SASH1: variants seen among roughly 807,000 people sequenced by gnomAD.
The protein encoded by SASH1 is SAM and SH3 domain-containing protein 1.
A neutral mutation model predicts 125.2 loss-of-function variants in SASH1; 44 were observed. The ratio of observed to expected loss-of-function variants is 0.35; its 90% CI spans 0.28 to 0.45. The LOEUF (loss-of-function observed/expected upper bound fraction) is 0.45. Ranked by LOEUF, SASH1 falls within the 20% of genes least tolerant of loss-of-function variation. SASH1 has a pLI of 1.00. For missense variants in SASH1, 1,426 were observed against 1,614.5 expected, an observed-to-expected ratio of 0.88 and a Z score of 2.00; for synonymous variants, 639 against 649.1, an observed-to-expected ratio of 0.98 and a Z score of 0.24.
At chr6:148,327,939 T>TAAAAA (rs569288406) in intron 1 of SASH1, among the ~76,000 whole-genome samples, 1 of 121,290 alleles carries the variant, frequency 8.2e-6, no homozygotes, top group African/African-American at 3.0e-5. Context: ...AGACTCTGTC[T>TAAAAA]AAAAAAAAAA....
At chr6:148,420,878 C>T (rs1036940140) in intron 2 of SASH1, among the ~76,000 whole-genome samples, 2 of 151,842 alleles carry the variant, frequency 1.3e-5, no homozygotes, top group South Asian at 4.2e-4. Flanking sequence ...GTCAGGAGTT[C>T]GAGACTAGCC....
At chr6:148,343,324 C>A in intron 1 of SASH1, 101 bp downstream of exon 1, 1 of 1,101,644 alleles carries the variant, frequency 9.1e-7, no homozygotes, top group Non-Finnish European at 1.3e-6. Flanking sequence ...CAACCCACTC[C>A]GCAGAGGCGT....
chr6:148,497,772 T>C (rs1020981311), intron 8 of SASH1, among the ~76,000 whole-genome samples: 1 of 152,254 alleles, frequency 6.6e-6, no homozygotes, highest in African/African-American at 2.4e-5. Flanking sequence ...ATTTATTTTC[T>C]ATTTCAGAAG....
chr6:148,543,588 T>G, intron 17 of SASH1, 92 bp from the exon 18 acceptor site: 1 of 1,087,208 alleles, frequency 9.2e-7, no homozygotes, highest in Non-Finnish European at 1.3e-6. Context: ...ATGTGGGTGT[T>G]GGAGATTTCA....
chr6:148,381,313 C>G (rs1783121663), intron 1 of SASH1, among the ~76,000 whole-genome samples: 1 of 152,174 alleles, frequency 6.6e-6, no homozygotes, highest in Non-Finnish European at 1.5e-5. Context: ...CAGTCTCAAG[C>G]CTGCCGAATC....
chr6:148,366,812 G>C (rs1018601750), intron 1 of SASH1, among the ~76,000 whole-genome samples: 4 of 152,026 alleles, frequency 2.6e-5, no homozygotes, highest in Admixed American at 2.6e-4. Flanking sequence ...TGGTCAGGCT[G>C]GTCTCAAACT....
chr6:148,381,710 C>T lies in SASH1; in HGVS notation c.157-8424C>T, dbSNP rs866813455. ...GCGCAATAATCTTGGCTCACTGCAG[C>T]CTCTACCTCCTGGGCTCAAGTGATT... On this transcript the variant is annotated intron_variant, in intron 1 of 19. Coordinates refer to ENST00000367467, the MANE Select transcript of SASH1 (RefSeq NM_015278.5). Among the ~76,000 whole-genome samples the T allele has an allele frequency of 7.6e-5, 11 of 144,602 alleles. No homozygotes were observed. The South Asian group carries it at 2.5e-3, about 33-fold the overall frequency. 94.9% of individuals were successfully genotyped at this position (144,602 alleles called of 152,430 possible).
At chr6:148,294,226 C>A (rs1779706332) in intron 1 of SASH1, among the ~76,000 whole-genome samples, 3 of 152,290 alleles carry the variant, frequency 2.0e-5, no homozygotes, top group South Asian at 2.1e-4. Flanking sequence ...TTACTGGCCA[C>A]AAGAGAAGGC....
rs559966370 is a variant in SASH1, at chr6:148,383,353, C to T, written c.157-6781C>T. Among the ~76,000 whole-genome samples, 13 of 152,088 alleles carry T rather than the reference C, an allele frequency of 8.5e-5. No individual in the cohort carries two copies. The South Asian group carries it at 1.0e-3, about 12-fold the overall frequency. ...TTAGAGGGGATGTATATATCTCCAT[C>T]CATCCCTCTTCAAACAAGGAGCAAT... On this transcript the variant is annotated intron_variant, in intron 1 of 19. Transcript: ENST00000367467.
intron 8 of SASH1, among the ~76,000 whole-genome samples, chr6:148,500,705 A>G (rs1464430140): frequency 1.3e-5 from 2 of 152,072 alleles, no homozygotes; most frequent in African/African-American, 2.4e-5. Context: ...TTAGTCATGG[A>G]GTTTAGTACA....
chr6:148,448,546 GCCA>G (rs565870105), intron 4 of SASH1, among the ~76,000 whole-genome samples: 47 of 152,162 alleles, frequency 3.1e-4, no homozygotes, highest in Non-Finnish European at 5.9e-4. Context: ...CTGCGACTTT[GCCA>G]CCAAGTTTCG....
At chr6:148,322,820 C>T (rs937270135) in intron 1 of SASH1, among the ~76,000 whole-genome samples, 2 of 152,138 alleles carry the variant, frequency 1.3e-5, no homozygotes, top group Non-Finnish European at 2.9e-5. Context: ...GTTTTCCATT[C>T]TCATTTACAC....
At chr6:148,229,690 G>A in the SASH1 span, among the ~76,000 whole-genome samples, 1 of 149,294 alleles carries the variant, frequency 6.7e-6, no homozygotes, top group Non-Finnish European at 1.5e-5. Flanking sequence ...AAAGTTGTGC[G>A]ACCAACACCA....
chr6:148,253,524 A>G, the SASH1 span, among the ~76,000 whole-genome samples: 5,751 of 152,320 alleles, frequency 0.038, 246 homozygotes, highest in Admixed American at 0.098. Flanking sequence ...CACGAAAAGC[A>G]GAAGAAATGA....
intron 2 of SASH1, among the ~76,000 whole-genome samples, chr6:148,430,606 A>C (rs1475614322): frequency 1.3e-5 from 2 of 152,224 alleles, no homozygotes; most frequent in African/African-American, 4.8e-5. Context: ...TGTTAGGATT[A>C]CAGGCTTGAG....
upstream of SASH1, chr6:148,272,231 C>A (rs115961040): frequency 1.8e-4 from 74 of 402,016 alleles, no homozygotes; most frequent in African/African-American, 1.5e-3. Context: ...GTGAGAGTGT[C>A]CCACATCTGC....
intron 4 of SASH1, among the ~76,000 whole-genome samples, chr6:148,452,554 G>A (rs1777150629): frequency 1.3e-5 from 2 of 152,206 alleles, no homozygotes; most frequent in South Asian, 2.1e-4. Flanking sequence ...CGCTAGTTGT[G>A]GGACTGGGAA....
intron 6 of SASH1, 141 bp from the exon 7 acceptor site, chr6:148,473,968 CT>C (rs1778228005): frequency 1.7e-6 from 1 of 576,536 alleles, no homozygotes; most frequent in Non-Finnish European, 3.1e-6. Context: ...TTTTGCCACC[CT>C]TTGCTTCATC....
intron 1 of SASH1, among the ~76,000 whole-genome samples, chr6:148,334,692 A>G (rs1781098994): frequency 6.7e-6 from 1 of 149,612 alleles, no homozygotes. Context: ...CGCGCGTGTA[A>G]TCCTAGCTAC....
Sources: allele counts gnomAD v4.1 joint callset (sites outside exome capture counted in the v4.1 genomes callset), GRCh38; gene constraint gnomAD v4.1.1; transcripts MANE v1.5; gene names NCBI Gene and HGNC (gene_info 2026-07-23, HGNC 2026-07-21).